Variants in PTPN22 observed in about 807,000 individuals in gnomAD.
PTPN22 encodes protein tyrosine phosphatase non-receptor type 22.
In PTPN22, 85 loss-of-function variants were observed where a neutral mutation model predicts 103.3. The ratio of observed to expected loss-of-function variants is 0.82; its 90% CI spans 0.69 to 0.99. The LOEUF (loss-of-function observed/expected upper bound fraction) is 0.99. Among genes scored for constraint, PTPN22 ranks in the 50% least tolerant of loss-of-function variants. PTPN22 has a pLI of 0.00. For synonymous variants in PTPN22, 323 were observed against 310.2 expected (o/e 1.04, Z -0.43); for missense variants, 865 against 936.9 (o/e 0.92, Z 1.00).
intron 20 of PTPN22, among the ~76,000 whole-genome samples, chr1:113,816,353 C>T (rs1661147454): frequency 6.7e-6 from 1 of 150,198 alleles, no homozygotes; most frequent in Non-Finnish European, 1.5e-5. Flanking sequence ...GCTTGCACCT[C>T]TGGTCCCAGA....
intron 9 of PTPN22, 46 bp downstream of exon 9, chr1:113,854,425 A>G: frequency 6.6e-7 from 1 of 1,511,340 alleles, no homozygotes; most frequent in South Asian, 1.1e-5. Context: ...TAAGTATGAA[A>G]GCAGTAGACT....
At chr1:113,820,514 T>G (rs560156943) in intron 19 of PTPN22, among the ~76,000 whole-genome samples, 2 of 152,134 alleles carry the variant, frequency 1.3e-5, no homozygotes, top group Non-Finnish European at 2.9e-5. Flanking sequence ...CCAAAAGCAT[T>G]GTTATGCTGC....
chr1:113,827,443 CT>C (rs1355881250), intron 18 of PTPN22, among the ~76,000 whole-genome samples: 5 of 151,870 alleles, frequency 3.3e-5, no homozygotes, highest in Admixed American at 6.6e-5. Flanking sequence ...TATCATATTC[CT>C]TTTTTTAAGT....
chr1:113,836,547 G>C (rs965804768), intron 13 of PTPN22, among the ~76,000 whole-genome samples: 5 of 152,100 alleles, frequency 3.3e-5, no homozygotes, highest in African/African-American at 7.2e-5. Context: ...ACTCATTTTA[G>C]CCACATAATT....
intron 20 of PTPN22, among the ~76,000 whole-genome samples, chr1:113,815,721 C>G (rs546742491): frequency 3.9e-4 from 59 of 152,330 alleles, no homozygotes; most frequent in African/African-American, 1.4e-3. Context: ...CTCTGTCGCC[C>G]AGGCTGGAGT....
At chr1:113,837,472 A>G in intron 13 of PTPN22, 118 bp downstream of exon 13, 2 of 731,878 alleles carry the variant, frequency 2.7e-6, no homozygotes, top group South Asian at 2.2e-5. Context: ...GAAAAAAAAG[A>G]GAAAAAAGAA....
At chr1:113,830,406 C>A (rs1233909344) in intron 16 of PTPN22, among the ~76,000 whole-genome samples, 1 of 151,952 alleles carries the variant, frequency 6.6e-6, no homozygotes, top group Non-Finnish European at 1.5e-5. Flanking sequence ...AGACAAATGA[C>A]CCACTCTCTT....
exon 1 of PTPN22, chr1:113,871,711 C>G: frequency 9.0e-7 from 1 of 1,113,518 alleles, no homozygotes; most frequent in South Asian, 1.2e-5. Flanking sequence ...CAAAAAGCCA[C>G]TGCTGCCGCC....
At chr1:113,836,430 A>G (rs1663024482) in intron 13 of PTPN22, among the ~76,000 whole-genome samples, 1 of 152,248 alleles carries the variant, frequency 6.6e-6, no homozygotes, top group African/African-American at 2.4e-5. Context: ...TACACAAAAT[A>G]CTAAACATGT....
intron 15 of PTPN22, 149 bp from the exon 16 acceptor site, chr1:113,833,287 G>A (rs1308092429): frequency 1.2e-5 from 7 of 561,360 alleles, no homozygotes; most frequent in Admixed American, 1.1e-4. Flanking sequence ...TAATTTGTAA[G>A]TGTGCTGAAT....
intron 19 of PTPN22, among the ~76,000 whole-genome samples, chr1:113,822,139 G>C (rs933777736): frequency 6.6e-6 from 1 of 152,168 alleles, no homozygotes; most frequent in Non-Finnish European, 1.5e-5. Flanking sequence ...TACATCATTT[G>C]GACCATTGTT....
At position 113,852,422 on chromosome 1, in the gene PTPN22, T is replaced by C. The variant is rs192653229; in HGVS notation, c.751-318A>G. ...GAGAGTTGCATAAAATAAAAGAGGT[T>C]GGTAGGTAGGTCTAAAGGCCATATT... On this transcript the variant is annotated intron_variant, in intron 9 of 20. Coordinates refer to ENST00000359785, the Ensembl canonical transcript of PTPN22. Among the ~76,000 whole-genome samples, 22 of 152,274 alleles carry C rather than the reference T, an allele frequency of 1.4e-4. No individual in the cohort carries two copies. In the East Asian group the frequency reaches 4.0e-3, roughly 28 times the overall value.
intron 18 of PTPN22, among the ~76,000 whole-genome samples, chr1:113,826,639 C>T (rs1662087051): frequency 1.4e-5 from 2 of 139,820 alleles, no homozygotes; most frequent in African/African-American, 2.7e-5. Flanking sequence ...CCTTCCTCTA[C>T]TTTTATGGTG....
intron 4 of PTPN22, chr1:113,858,056 T>C (rs1665228651): frequency 4.3e-6 from 1 of 233,082 alleles, no homozygotes; most frequent in Non-Finnish European, 8.2e-6. Flanking sequence ...TTTATTATTT[T>C]TTAAAACTTA....
At chr1:113,864,907 G>A (rs1475698994) in intron 1 of PTPN22, among the ~76,000 whole-genome samples, 9 of 146,420 alleles carry the variant, frequency 6.1e-5, no homozygotes, top group Admixed American at 2.1e-4. Context: ...GCGAGACTCC[G>A]TCTCAAAAAA....
At position 113,843,108 on chromosome 1, in the gene PTPN22, A is replaced by AAAAAAAAAG. The variant is rs1351001407; in HGVS notation, c.916-4489_916-4488insCTTTTTTTT. The stretch of plus-strand genomic sequence containing the variant: ...GAGCGAGACTCCGTCTCAAAAAAAA[A>AAAAAAAAAG]AAAAAAGAAAACTAAACATAGAATT... On this transcript the variant is annotated intron_variant, in intron 11 of 20. Coordinates refer to ENST00000359785, the Ensembl canonical transcript of PTPN22. 1.4e-5 allele frequency among the ~76,000 whole-genome samples: 2 copies of AAAAAAAAAG among 146,088 alleles called. 1 individual carries two copies. Among genetic ancestry groups the AAAAAAAAAG allele is most frequent in the Non-Finnish European group, 3.0e-5 (2 of 66,452 alleles).
chr1:113,858,903 T>C, intron 3 of PTPN22, 99 bp downstream of exon 3: 4 of 1,492,784 alleles, frequency 2.7e-6, no homozygotes, highest in Non-Finnish European at 3.6e-6. Flanking sequence ...CCTCCCAAAG[T>C]GCTGGGATTA....
chr1:113,835,489 G>A (rs890095078), intron 13 of PTPN22, among the ~76,000 whole-genome samples: 7 of 152,106 alleles, frequency 4.6e-5, no homozygotes, highest in African/African-American at 1.7e-4. Flanking sequence ...CTGCATTCCA[G>A]CCTGGGTGGC....
intron 18 of PTPN22, among the ~76,000 whole-genome samples, chr1:113,825,775 G>A (rs953478211): frequency 1.3e-5 from 2 of 152,038 alleles, no homozygotes; most frequent in African/African-American, 4.8e-5. Flanking sequence ...GTGCAGTGGC[G>A]TGATCTCAGC....
Sources: gnomAD v4.1 joint callset for allele counts (sites outside exome capture counted in the v4.1 genomes callset) on GRCh38, gnomAD v4.1.1 for gene constraint, MANE v1.5 for transcripts, NCBI Gene and HGNC (gene_info 2026-07-23, HGNC 2026-07-21) for gene names.